NRXN3: variants seen among roughly 807,000 people sequenced by gnomAD.
NRXN3 encodes neurexin III.
NRXN3 carries 32 observed loss-of-function variants against 137.6 expected under a neutral mutation model. The ratio of observed to expected loss-of-function variants is 0.23; its 90% CI spans 0.18 to 0.31. NRXN3 has a LOEUF of 0.31. NRXN3 is among the 10% of genes least tolerant of loss of function. The pLI, the probability that NRXN3 is intolerant of heterozygous loss-of-function variation, is 1.00. For missense variants in NRXN3, 1,574 were observed against 2,062.5 expected (o/e 0.76, Z 4.59); for synonymous variants, 798 against 784.5 (o/e 1.02, Z -0.29).
intron 10 of NRXN3, among the ~76,000 whole-genome samples, chr14:78,876,028 T>TTG (rs2099113248): frequency 6.6e-6 from 1 of 152,198 alleles, no homozygotes. Context: ...TTCTTATGTC[T>TTG]ATCAGCCCAG....
chr14:79,288,897 C>CT (rs1013328175), intron 15 of NRXN3, among the ~76,000 whole-genome samples: 52 of 151,492 alleles, frequency 3.4e-4, no homozygotes, highest in South Asian at 1.0e-3. Context: ...CTTGATATGT[C>CT]TTTTTTTTTG....
chr14:78,398,198 G>A (rs1291939387), intron 4 of NRXN3, among the ~76,000 whole-genome samples: 4 of 114,732 alleles, frequency 3.5e-5, no homozygotes, highest in Admixed American at 1.0e-4. Flanking sequence ...TGGGTGACAA[G>A]AGCAAAACTC....
chr14:78,433,599 T>C (rs572943655), intron 4 of NRXN3, among the ~76,000 whole-genome samples: 1 of 152,280 alleles, frequency 6.6e-6, no homozygotes, highest in African/African-American at 2.4e-5. Context: ...ACATTAGTTA[T>C]CATTGAAGTA....
At chr14:79,632,727 A>G (rs2098367806) in intron 16 of NRXN3, among the ~76,000 whole-genome samples, 1 of 151,784 alleles carries the variant, frequency 6.6e-6, no homozygotes. Flanking sequence ...TATTTTATAT[A>G]TATTATTTAA....
At chr14:78,838,361 T>C (rs975413252) in intron 10 of NRXN3, among the ~76,000 whole-genome samples, 3 of 152,180 alleles carry the variant, frequency 2.0e-5, no homozygotes, top group African/African-American at 4.8e-5. Context: ...GATTTTTTTA[T>C]TGTGTAGAAG....
At chr14:79,062,617 G>A (rs75221609) in intron 15 of NRXN3, among the ~76,000 whole-genome samples, 4,231 of 152,288 alleles carry the variant, frequency 0.028, 90 homozygotes, top group Non-Finnish European at 0.04. Context: ...AGGACACAAA[G>A]TGCGTCTCTG....
At position 78,501,214 on chromosome 14, in the gene NRXN3, G is replaced by A. The variant is rs544405050; in HGVS notation, c.758-143906G>A. On this transcript the variant is annotated intron_variant, in intron 4 of 20. Transcript: ENST00000335750. ...AGGAACTCAGGCATACCCTTGCTGC[G>A]TCCTGTAACTCAGAATCTCTCAGAA... 3.0e-4 allele frequency among the ~76,000 whole-genome samples: 45 copies of A among 152,202 alleles called. No homozygotes were observed. In the South Asian group the frequency reaches 6.0e-3, roughly 20 times the overall value.
chr14:79,628,216 A>AT (rs1346911486), intron 16 of NRXN3, among the ~76,000 whole-genome samples: 2 of 152,156 alleles, frequency 1.3e-5, no homozygotes, highest in African/African-American at 4.8e-5. Context: ...AATTGACTGA[A>AT]TTTTCATCAT....
At chr14:78,849,687 T>C (rs1404444377) in intron 10 of NRXN3, among the ~76,000 whole-genome samples, 3 of 152,118 alleles carry the variant, frequency 2.0e-5, no homozygotes, top group African/African-American at 7.2e-5. Context: ...TTTCTCTCTA[T>C]CTCGTGGAGG....
chr14:79,585,978 T>C (rs982591268), intron 16 of NRXN3, among the ~76,000 whole-genome samples: 1 of 152,220 alleles, frequency 6.6e-6, no homozygotes, highest in Non-Finnish European at 1.5e-5. Context: ...AACGCCAAGT[T>C]TGTGGCGTAG....
intron 4 of NRXN3, among the ~76,000 whole-genome samples, chr14:78,364,382 G>T (rs2085585256): frequency 6.6e-6 from 1 of 152,188 alleles, no homozygotes; most frequent in African/African-American, 2.4e-5. Flanking sequence ...AATGGAACTT[G>T]CTGTCCAAAG....
chr14:78,820,406 G>A (rs1468526500), intron 10 of NRXN3, among the ~76,000 whole-genome samples: 1 of 119,362 alleles, frequency 8.4e-6, no homozygotes, highest in Non-Finnish European at 1.7e-5. Context: ...AAACTTTACA[G>A]ACCAGGAGAT....
At chr14:78,314,922 TCTTTCTTTCTTTCTTTCTTTCTTC>T (rs1567234947) in intron 4 of NRXN3, among the ~76,000 whole-genome samples, 20 of 114,294 alleles carry the variant, frequency 1.7e-4, no homozygotes, top group African/African-American at 8.3e-4. Context: ...TTTCTTTCTT[TCTTTCTTTCTTTCTTTCTTTCTTC>T]CTTCCTTCCT....
At chr14:78,792,106 C>T (rs533500957) in intron 8 of NRXN3, among the ~76,000 whole-genome samples, 2 of 148,534 alleles carry the variant, frequency 1.3e-5, no homozygotes, top group Admixed American at 6.7e-5. Flanking sequence ...AGAGAAAAAG[C>T]AAAAGAACAG....
intron 15 of NRXN3, among the ~76,000 whole-genome samples, chr14:79,040,703 T>G (rs2099623647): frequency 1.3e-5 from 2 of 152,116 alleles, no homozygotes; most frequent in Non-Finnish European, 2.9e-5. Context: ...AGGGTTGCCA[T>G]TTTTACAGTT....
In NRXN3 at chr14:78,506,474, T is replaced by A. The variant is rs1406553148; in HGVS notation, c.758-138646T>A. Among the ~76,000 whole-genome samples, 3 of 152,068 alleles carry A rather than the reference T, an allele frequency of 2.0e-5. No homozygotes were observed. In the East Asian group the frequency reaches 5.8e-4, roughly 29 times the overall value. On this transcript the variant is annotated intron_variant, in intron 4 of 20. Transcript: ENST00000335750. The stretch of plus-strand genomic sequence containing the variant: ...TGCTGGATCATATGGTAGTTTTATT[T>A]TTAATCTTTTGAGTAGCCTTCATAC...
chr14:79,683,214 C>T (rs1457340543), intron 17 of NRXN3, among the ~76,000 whole-genome samples: 1 of 152,132 alleles, frequency 6.6e-6, no homozygotes, highest in East Asian at 1.9e-4. Context: ...GGATGGATCT[C>T]TTAAACTCGG....
At chr14:79,516,666 T>C (rs1311281957) in intron 16 of NRXN3, among the ~76,000 whole-genome samples, 2 of 152,196 alleles carry the variant, frequency 1.3e-5, no homozygotes, top group East Asian at 3.9e-4. Context: ...TCTTTTTGTG[T>C]GATTCTAGAG....
At chr14:79,622,395 C>G (rs189540202) in intron 16 of NRXN3, among the ~76,000 whole-genome samples, 1 of 152,274 alleles carries the variant, frequency 6.6e-6, no homozygotes, top group Admixed American at 6.5e-5. Flanking sequence ...CACTTGCTAA[C>G]TGCATGGCTT....
Sources: gnomAD v4.1 joint callset for allele counts (sites outside exome capture counted in the v4.1 genomes callset) on GRCh38, gnomAD v4.1.1 for gene constraint, MANE v1.5 for transcripts, NCBI Gene and HGNC (gene_info 2026-07-23, HGNC 2026-07-21) for gene names.